BCL2: variants seen among roughly 807,000 people sequenced by gnomAD.
BCL2 encodes the protein apoptosis regulator Bcl-2.
A neutral mutation model predicts 14.2 loss-of-function variants in BCL2; 1 was observed. The ratio of observed to expected loss-of-function variants is 0.07; its 90% CI spans 0.02 to 0.33. BCL2 has a LOEUF of 0.33. Among genes scored for constraint, BCL2 ranks in the 10% least tolerant of loss-of-function variants. BCL2 has a pLI of 0.99. For synonymous variants in BCL2, 151 were observed against 137.2 expected (o/e 1.10, Z -0.70); for missense variants, 247 against 305.9 (o/e 0.81, Z 1.44).
chr18:63,126,502 C>T lies in BCL2; in HGVS notation c.*2123G>A, dbSNP rs961164836. Reference sequence around the variant, plus strand: ...AATCCTGAATACCATGAATTAAATGCGGAATTGCCCAGGGACGAGGAAACC... The same window carrying T: ...AATCCTGAATACCATGAATTAAATGTGGAATTGCCCAGGGACGAGGAAACC... On this transcript the variant is annotated 3_prime_UTR_variant, in exon 3 of 3. Coordinates refer to ENST00000333681, the MANE Select transcript of BCL2 (RefSeq NM_000633.3). 8 of 227,980 alleles carry T rather than the reference C, an allele frequency of 3.5e-5. No homozygotes were observed. Among genetic ancestry groups the T allele is most frequent in the South Asian group, 1.8e-4 (1 of 5,476 alleles). 14.1% of individuals were successfully genotyped at this position (227,980 alleles called of 1,614,324 possible). A position where few individuals can be genotyped will look rare whatever the true frequency, so the allele number is the denominator to read the frequency against.
intron 2 of BCL2, among the ~76,000 whole-genome samples, chr18:63,259,450 G>C (rs1293208088): frequency 6.6e-6 from 1 of 152,282 alleles, no homozygotes; most frequent in Non-Finnish European, 1.5e-5. Context: ...AGCAGTGCCA[G>C]GTGGGTGAAA....
chr18:63,258,289 C>T (rs1016682515), intron 2 of BCL2, among the ~76,000 whole-genome samples: 4 of 152,276 alleles, frequency 2.6e-5, no homozygotes, highest in East Asian at 1.9e-4. Context: ...ACCCAGTTTA[C>T]GGTATTTTGT....
intron 2 of BCL2, among the ~76,000 whole-genome samples, chr18:63,183,410 G>A (rs1015028033): frequency 4.6e-5 from 7 of 152,162 alleles, no homozygotes; most frequent in African/African-American, 1.2e-4. Context: ...CTATTATGGC[G>A]AAGAGGGTGA....
At chr18:63,139,314 T>G (rs1287137878) in intron 2 of BCL2, among the ~76,000 whole-genome samples, 1 of 152,244 alleles carries the variant, frequency 6.6e-6, no homozygotes, top group East Asian at 1.9e-4. Context: ...GTTATGCTAT[T>G]TGGTTCACCA....
At chr18:63,298,342 T>C (rs1041905582) in intron 2 of BCL2, among the ~76,000 whole-genome samples, 3 of 152,218 alleles carry the variant, frequency 2.0e-5, no homozygotes, top group African/African-American at 7.2e-5. Context: ...ATGGGCCATC[T>C]GGGAAACCAA....
intron 2 of BCL2, among the ~76,000 whole-genome samples, chr18:63,182,930 A>G (rs917016033): frequency 6.6e-6 from 1 of 152,228 alleles, no homozygotes; most frequent in Non-Finnish European, 1.5e-5. Context: ...CAGGATGGAA[A>G]CAGAGGCTTC....
chr18:63,233,849 G>T (rs552353579), intron 2 of BCL2, among the ~76,000 whole-genome samples: 2 of 152,196 alleles, frequency 1.3e-5, no homozygotes, highest in Admixed American at 1.3e-4. Flanking sequence ...TCAGTTTGGG[G>T]TCACAAAAGA....
rs1215488280 is a variant in BCL2, at chr18:63,319,216, TTTTGTAAAACCAAAACAAATGCA to T, written c.-352_-330del. 10 of 346,518 alleles carry T rather than the reference TTTTGTAAAACCAAAACAAATGCA, an allele frequency of 2.9e-5. No individual in the cohort carries two copies. The highest frequency in any genetic ancestry group is 2.2e-4 in the Admixed American group (4 of 17,850). 21.5% of individuals were successfully genotyped at this position (346,518 alleles called of 1,614,324 possible). A position where few individuals can be genotyped will look rare whatever the true frequency, so the allele number is the denominator to read the frequency against. Reference sequence around the variant, plus strand: ...AGCATGATCCTCTGTCAAGTTTCCTTTTTGTAAAACCAAAACAAATGCATAAGGCAACGATCCCATCAATCTTC... The same window carrying T: ...AGCATGATCCTCTGTCAAGTTTCCTTTAAGGCAACGATCCCATCAATCTTC... On this transcript the variant is annotated 5_prime_UTR_variant, in exon 1 of 3. The change abolishes an upstream ATG in the 5' untranslated region. Coordinates refer to ENST00000333681, the MANE Select transcript of BCL2 (RefSeq NM_000633.3).
Position 63,279,531 on chromosome 18 carries a change from A to C in BCL2, c.585+38551T>G, listed in dbSNP as rs532686415. On this transcript the variant is annotated intron_variant, in intron 2 of 2. Coordinates refer to ENST00000333681, the MANE Select transcript of BCL2 (RefSeq NM_000633.3). ...AAGAGACTGACAGTTCTAAGTTTGGAGAGTATACAAAACAACAGGAACTCT... is the reference window on the plus strand; with the variant it reads ...AAGAGACTGACAGTTCTAAGTTTGGCGAGTATACAAAACAACAGGAACTCT... 4.6e-5 allele frequency among the ~76,000 whole-genome samples: 7 copies of C among 152,364 alleles called. No homozygotes were observed. In the East Asian group the frequency reaches 1.3e-3, roughly 29 times the overall value.
chr18:63,252,399 T>C (rs1478275228), intron 2 of BCL2, among the ~76,000 whole-genome samples: 2 of 152,216 alleles, frequency 1.3e-5, no homozygotes, highest in Non-Finnish European at 2.9e-5. Context: ...AATAGTATTT[T>C]ACTTCCTTCC....
intron 2 of BCL2, among the ~76,000 whole-genome samples, chr18:63,211,217 C>T (rs1328482151): frequency 6.6e-6 from 1 of 151,804 alleles, no homozygotes; most frequent in Non-Finnish European, 1.5e-5. Context: ...ATCACCACAC[C>T]CAGCTAATTT....
chr18:63,210,476 G>A (rs1316935089), intron 2 of BCL2, among the ~76,000 whole-genome samples: 1 of 152,094 alleles, frequency 6.6e-6, no homozygotes, highest in Admixed American at 6.5e-5. Flanking sequence ...TACTTTCCAA[G>A]TATATTTTGT....
intron 2 of BCL2, among the ~76,000 whole-genome samples, chr18:63,155,303 G>A (rs1285886012): frequency 6.6e-6 from 1 of 152,194 alleles, no homozygotes; most frequent in Non-Finnish European, 1.5e-5. Context: ...TGGCCTCCAG[G>A]GACAGTCAAC....
chr18:63,176,893 C>A (rs188377687), intron 2 of BCL2, among the ~76,000 whole-genome samples: 1 of 151,692 alleles, frequency 6.6e-6, no homozygotes, highest in African/African-American at 2.4e-5. Context: ...CAACCCTTCC[C>A]GAAGAACTTG....
chr18:63,318,644 C>G lies in BCL2; in HGVS notation c.23G>C (p.Gly8Ala). ...CATCACTATCTCCCGGTTATCGTAC[C>G]CTGTTCTCCCAGCGTGCGCCATCCT... MAHAGRT[G>A]YDNREIVMKY... is the part of the protein sequence containing the mutation. The change falls in exon 2 of 3, where the codon GGG becomes GCG. Residue 8 changes from glycine (G) to alanine (A), a missense_variant. Physicochemically the swap from Gly to Ala is moderately conservative, Grantham distance 60. Coordinates refer to ENST00000333681, the MANE Select transcript of BCL2 (RefSeq NM_000633.3). The surrounding 1 kb of genome is among the most constrained non-coding windows in gnomAD (Gnocchi z 7.4). 6.2e-7 allele frequency: 1 copy of G among 1,613,190 alleles called. No individual in the cohort carries two copies. The highest frequency in any genetic ancestry group is 2.2e-5 in the East Asian group (1 of 44,774).
At chr18:63,272,122 C>G (rs1912018158) in intron 2 of BCL2, among the ~76,000 whole-genome samples, 1 of 152,204 alleles carries the variant, frequency 6.6e-6, no homozygotes, top group African/African-American at 2.4e-5. Context: ...GTGACTGACT[C>G]CATATGCGGG....
chr18:63,306,681 A>G (rs1211949644), intron 2 of BCL2, among the ~76,000 whole-genome samples: 1 of 152,064 alleles, frequency 6.6e-6, no homozygotes, highest in Non-Finnish European at 1.5e-5. Flanking sequence ...TGCCACCACT[A>G]TTGCTGCATC....
intron 2 of BCL2, among the ~76,000 whole-genome samples, chr18:63,155,296 C>T (rs1444732208): frequency 7.9e-5 from 12 of 152,196 alleles, no homozygotes; most frequent in African/African-American, 2.7e-4. Flanking sequence ...CGTCTCCTGG[C>T]CTCCAGGGAC....
At chr18:63,231,526 T>C (rs1390668725) in intron 2 of BCL2, among the ~76,000 whole-genome samples, 3 of 152,062 alleles carry the variant, frequency 2.0e-5, no homozygotes, top group Non-Finnish European at 4.4e-5. Context: ...AAGATTAATA[T>C]ACAAACATCC....
Sources: gnomAD v4.1 joint callset for allele counts (sites outside exome capture counted in the v4.1 genomes callset) on GRCh38, gnomAD v4.1.1 for gene constraint, Gnocchi (gnomAD v3.1) non-coding constraint, MANE v1.5 for transcripts, NCBI Gene and HGNC (gene_info 2026-07-23, HGNC 2026-07-21) for gene names.